Variants in SGCZ observed in about 807,000 individuals in gnomAD.
The protein encoded by SGCZ is zeta-sarcoglycan.
SGCZ carries 40 observed loss-of-function variants against 41.3 expected under a neutral mutation model. That is an observed-to-expected ratio of 0.97 (90% confidence interval 0.75 to 1.26). The LOEUF (loss-of-function observed/expected upper bound fraction) is 1.26, where lower values mean the gene tolerates loss of function less well. SGCZ is among the 50% of genes most tolerant of loss of function. SGCZ has a pLI of 0.00. For missense variants in SGCZ, 552 were observed against 369.8 expected (o/e 1.49, Z -4.04); for synonymous variants, 206 against 137.5 (o/e 1.50, Z -3.49).
chr8:15,067,894 A>T (rs1805210233), intron 1 of SGCZ, among the ~76,000 whole-genome samples: 1 of 152,204 alleles, frequency 6.6e-6, no homozygotes, highest in South Asian at 2.1e-4. Flanking sequence ...ATAGGAACAC[A>T]TTAGACAGGT....
intron 2 of SGCZ, among the ~76,000 whole-genome samples, chr8:14,411,792 T>G (rs982757980): frequency 1.1e-4 from 17 of 152,142 alleles, no homozygotes; most frequent in African/African-American, 4.1e-4. Flanking sequence ...CTGACATGTT[T>G]CATTGAATTC....
intron 1 of SGCZ, among the ~76,000 whole-genome samples, chr8:14,589,286 C>A (rs979181600): frequency 6.7e-6 from 1 of 149,166 alleles, no homozygotes; most frequent in East Asian, 2.0e-4. Flanking sequence ...GTGAGTGTTG[C>A]AGTGAGCTGA....
chr8:14,467,379 C>G (rs1801081656), intron 2 of SGCZ, among the ~76,000 whole-genome samples: 1 of 152,036 alleles, frequency 6.6e-6, no homozygotes, highest in Non-Finnish European at 1.5e-5. Context: ...GCCATTGTCT[C>G]TTTATCTGTA....
chr8:14,598,348 A>G (rs1370550602), intron 1 of SGCZ, among the ~76,000 whole-genome samples: 1 of 151,810 alleles, frequency 6.6e-6, no homozygotes, highest in Non-Finnish European at 1.5e-5. Flanking sequence ...TATATTGTTT[A>G]CCAACATTTA....
At chr8:14,486,701 T>A (rs1801686485) in intron 2 of SGCZ, among the ~76,000 whole-genome samples, 1 of 152,140 alleles carries the variant, frequency 6.6e-6, no homozygotes, top group African/African-American at 2.4e-5. Flanking sequence ...GCCTTCCAAG[T>A]AGCTGAGACC....
At chr8:14,688,995 A>G (rs879416068) in intron 1 of SGCZ, among the ~76,000 whole-genome samples, 3 of 152,126 alleles carry the variant, frequency 2.0e-5, no homozygotes, top group Non-Finnish European at 4.4e-5. Context: ...CCAAATCATG[A>G]AAAAAATATA....
At chr8:15,051,918 C>T (rs572634327) in intron 1 of SGCZ, among the ~76,000 whole-genome samples, 16 of 152,074 alleles carry the variant, frequency 1.1e-4, no homozygotes, top group South Asian at 1.0e-3. Context: ...AATTTGGGCG[C>T]GCCAAAAGAC....
chr8:14,481,195 G>A (rs1801526207), intron 2 of SGCZ, among the ~76,000 whole-genome samples: 1 of 152,092 alleles, frequency 6.6e-6, no homozygotes, highest in South Asian at 2.1e-4. Context: ...ATTAATATAT[G>A]ATGCTTAATT....
At chr8:15,144,720 G>C (rs748841247) in intron 1 of SGCZ, among the ~76,000 whole-genome samples, 3 of 152,224 alleles carry the variant, frequency 2.0e-5, no homozygotes, top group Non-Finnish European at 4.4e-5. Flanking sequence ...GCCTCCCAAA[G>C]TGCTGGGGTT....
intron 1 of SGCZ, among the ~76,000 whole-genome samples, chr8:15,001,842 A>G (rs1253247157): frequency 6.6e-6 from 1 of 151,964 alleles, no homozygotes; most frequent in Non-Finnish European, 1.5e-5. Context: ...TTGTATATGT[A>G]GAAATTAAGA....
chr8:14,459,793 A>G (rs564672039), intron 2 of SGCZ, among the ~76,000 whole-genome samples: 36 of 152,224 alleles, frequency 2.4e-4, no homozygotes, highest in Non-Finnish European at 4.4e-4. Context: ...ACCATAAGTA[A>G]ATAAATAAAA....
chr8:14,646,598 T>C (rs1431721850), intron 1 of SGCZ, among the ~76,000 whole-genome samples: 1 of 151,896 alleles, frequency 6.6e-6, no homozygotes, highest in Non-Finnish European at 1.5e-5. Flanking sequence ...CTGGATTGGA[T>C]GGTAGTTGTG....
At chr8:14,476,414 G>A (rs1801362209) in intron 2 of SGCZ, among the ~76,000 whole-genome samples, 1 of 151,862 alleles carries the variant, frequency 6.6e-6, no homozygotes, top group Non-Finnish European at 1.5e-5. Flanking sequence ...TATATGTCTT[G>A]CTGAGTCTAT....
chr8:15,138,803 G>A (rs572123755), intron 1 of SGCZ, among the ~76,000 whole-genome samples: 22 of 152,244 alleles, frequency 1.4e-4, no homozygotes, highest in African/African-American at 3.9e-4. Flanking sequence ...AATATAGACA[G>A]CTAAGATAAA....
intron 3 of SGCZ, among the ~76,000 whole-genome samples, chr8:14,320,624 G>T (rs1439360102): frequency 6.6e-6 from 1 of 152,022 alleles, no homozygotes; most frequent in Non-Finnish European, 1.5e-5. Context: ...CAGTGAAAGG[G>T]ACATGATGGG....
chr8:14,539,795 T>A (rs1313655705), intron 2 of SGCZ, among the ~76,000 whole-genome samples: 2 of 152,004 alleles, frequency 1.3e-5, no homozygotes, highest in African/African-American at 4.8e-5. Context: ...GAACATGAAG[T>A]ATTTGGTTTT....
chr8:14,645,283 C>T lies in SGCZ; in HGVS notation c.40-90357G>A, dbSNP rs556056617. ...TTGATGAAATATTTCTTTCTTATTG[C>T]GAATTATACCTTATGTTCTAAAAAT... On this transcript the variant is annotated intron_variant, in intron 1 of 7. Transcript: ENST00000382080. Among the ~76,000 whole-genome samples, 13 of 150,852 alleles carry T rather than the reference C, an allele frequency of 8.6e-5. No individual in the cohort carries two copies. The South Asian group carries it at 1.9e-3, about 22-fold the overall frequency.
chr8:14,674,954 T>C (rs1363731647), intron 1 of SGCZ, among the ~76,000 whole-genome samples: 3 of 122,126 alleles, frequency 2.5e-5, no homozygotes, highest in African/African-American at 9.5e-5. Flanking sequence ...TTTTTTTTTT[T>C]TTGAGATGGA....
chr8:14,356,267 G>A (rs1391730811), intron 2 of SGCZ, among the ~76,000 whole-genome samples: 1 of 152,168 alleles, frequency 6.6e-6, no homozygotes, highest in Non-Finnish European at 1.5e-5. Flanking sequence ...TTAACAGTGG[G>A]TTTATTGGAA....
Sources: allele counts gnomAD v4.1 joint callset (sites outside exome capture counted in the v4.1 genomes callset), GRCh38; gene constraint gnomAD v4.1.1; transcripts MANE v1.5; gene names NCBI Gene and HGNC (gene_info 2026-07-23, HGNC 2026-07-21).